Variants in PPP1R2 observed in about 807,000 individuals in gnomAD.
The protein encoded by PPP1R2 is protein phosphatase 1 regulatory inhibitor subunit 2.
A neutral mutation model predicts 29.9 loss-of-function variants in PPP1R2; 16 were observed. The observed-to-expected ratio is 0.53, with a 90% CI of 0.36 to 0.81. PPP1R2 has a LOEUF of 0.81. PPP1R2 is among the 30% of genes least tolerant of loss of function. The pLI, the probability that PPP1R2 is intolerant of heterozygous loss-of-function variation, is 0.00. For synonymous variants in PPP1R2, 76 were observed against 91.5 expected (o/e 0.83, Z 0.96); for missense variants, 197 against 252.7 (o/e 0.78, Z 1.49).
chr3:195,540,077 C>T (rs547178054), intron 1 of PPP1R2, among the ~76,000 whole-genome samples: 5 of 152,302 alleles, frequency 3.3e-5, no homozygotes, highest in South Asian at 2.1e-4. Flanking sequence ...AGGGTTCATT[C>T]TCATTATTCT....
chr3:195,520,278 G>A lies in PPP1R2; in HGVS notation c.404-1093C>T, dbSNP rs530816503. 3.3e-5 allele frequency among the ~76,000 whole-genome samples: 5 copies of A among 152,224 alleles called. No homozygotes were observed. The East Asian group carries it at 7.7e-4, about 24-fold the overall frequency. Reference sequence around the variant, plus strand: ...GCCTGCCTTGGCCTCCAAAAGTGCTGGGATTACAGGCATGAGCCACTGCGC... The same window carrying A: ...GCCTGCCTTGGCCTCCAAAAGTGCTAGGATTACAGGCATGAGCCACTGCGC... On this transcript the variant is annotated intron_variant, in intron 4 of 5. Transcript: ENST00000618156.
At chr3:195,519,917 TAA>T (rs35492316) in intron 4 of PPP1R2, among the ~76,000 whole-genome samples, 78,969 of 145,458 alleles carry the variant, frequency 0.54, 22,462 homozygotes, top group African/African-American at 0.75. Context: ...ATCAGAAAAT[TAA>T]AAAAAAAAAA....
chr3:195,518,430 T>C (rs931379357), intron 5 of PPP1R2, among the ~76,000 whole-genome samples: 9 of 152,026 alleles, frequency 5.9e-5, no homozygotes, highest in Non-Finnish European at 1.3e-4. Context: ...GGCGGGCGGA[T>C]CACAAGGTCA....
At position 195,515,127 on chromosome 3, in the gene PPP1R2, C is replaced by T. The variant is rs140314704; in HGVS notation, c.*1769G>A. The stretch of plus-strand genomic sequence containing the variant: ...TGTACAGACTTAATCTCTACATCCC[C>T]CAAGACAGATTTAAACAGGTAATCC... On this transcript the variant is annotated 3_prime_UTR_variant, in exon 6 of 6. Coordinates refer to ENST00000618156, the MANE Select transcript of PPP1R2 (RefSeq NM_006241.8). 4.8e-3 allele frequency: 910 copies of T among 190,740 alleles called. 8 individuals are homozygous for T. Among genetic ancestry groups the T allele is most frequent in the African/African-American group, 0.019 (786 of 42,040 alleles). 11.8% of individuals were successfully genotyped at this position (190,740 alleles called of 1,614,324 possible).
Position 195,534,965 on chromosome 3 carries a change from C to A in PPP1R2, c.123-5064G>T, listed in dbSNP as rs146943610. On this transcript the variant is annotated intron_variant, in intron 1 of 5. Coordinates refer to ENST00000618156, the MANE Select transcript of PPP1R2 (RefSeq NM_006241.8). ...AAGGTGTCAAGGTGGTTTACTCGTC[C>A]TCAAACACAACATCTCCAATTTAAC... 3.5e-4 allele frequency among the ~76,000 whole-genome samples: 53 copies of A among 152,242 alleles called. 1 individual carries two copies. In the East Asian group the frequency reaches 0.01, roughly 29 times the overall value.
At chr3:195,517,552 C>A (rs1718592757) in intron 5 of PPP1R2, among the ~76,000 whole-genome samples, 1 of 152,092 alleles carries the variant, frequency 6.6e-6, no homozygotes. Flanking sequence ...AAATCAGGCA[C>A]TGACCTAATA....
rs1199062068 is a variant in PPP1R2, at chr3:195,543,253, T to C, written c.-228A>G. 10 of 477,578 alleles carry C rather than the reference T, an allele frequency of 2.1e-5. No individual in the cohort carries two copies. The highest frequency in any genetic ancestry group is 1.0e-4 in the South Asian group (3 of 29,464). The allele number at this position is 477,578 out of a possible 1,614,324, so 29.6% of individuals were successfully genotyped here. A position where few individuals can be genotyped will look rare whatever the true frequency, so the allele number is the denominator to read the frequency against. ...CGGCTACTCGCGCACCCTTAGCCACTGGCACTTGACCCGCGGCTCGCGGAG... is the reference window on the plus strand; with the variant it reads ...CGGCTACTCGCGCACCCTTAGCCACCGGCACTTGACCCGCGGCTCGCGGAG... On this transcript the variant is annotated 5_prime_UTR_variant, in exon 1 of 6. Coordinates refer to ENST00000618156, the MANE Select transcript of PPP1R2 (RefSeq NM_006241.8).
Position 195,543,105 on chromosome 3 carries a change from T to G in PPP1R2, c.-80A>C. On this transcript the variant is annotated 5_prime_UTR_variant, in exon 1 of 6. Transcript: ENST00000618156. ...AGAGAAGGGTCGGCACAGCAGAGAC[T>G]CGCAGGCAGCCGCAGATCCCGCTCA... The G allele has an allele frequency of 6.8e-7, 1 of 1,481,334 alleles. No homozygotes were observed. Among genetic ancestry groups the G allele is most frequent in the Non-Finnish European group, 9.0e-7 (1 of 1,110,430 alleles). The allele number at this position is 1,481,334 out of a possible 1,614,324, so 91.8% of individuals were successfully genotyped here.
chr3:195,539,873 G>A (rs1371142636), intron 1 of PPP1R2, among the ~76,000 whole-genome samples: 1 of 152,162 alleles, frequency 6.6e-6, no homozygotes, highest in Non-Finnish European at 1.5e-5. Flanking sequence ...AGTGGACATT[G>A]AGTTTTGAGA....
chr3:195,525,697 T>C (rs1718945609), intron 2 of PPP1R2, among the ~76,000 whole-genome samples: 1 of 152,190 alleles, frequency 6.6e-6, no homozygotes, highest in South Asian at 2.1e-4. Flanking sequence ...CTCTACCCTC[T>C]AATGAAAAAT....
rs1268363296 is a variant in PPP1R2 at position 195,516,329 on chromosome 3, CAAAG to C, written c.*563_*566del. On this transcript the variant is annotated 3_prime_UTR_variant, in exon 6 of 6. Coordinates refer to ENST00000618156, the MANE Select transcript of PPP1R2 (RefSeq NM_006241.8). ...AAGTTCAGTCCTTTCCTTGTAAACA[CAAAG>C]AAACTCAACAGGAATTTTAAAAATA... 2 of 152,430 alleles carry C rather than the reference CAAAG, an allele frequency of 1.3e-5. No homozygotes were observed. The highest frequency in any genetic ancestry group is 2.9e-5 in the Non-Finnish European group (2 of 67,954). The allele number at this position is 152,430 out of a possible 1,614,324, so 9.4% of individuals were successfully genotyped here.
intron 4 of PPP1R2, among the ~76,000 whole-genome samples, chr3:195,521,098 G>A (rs1411537382): frequency 1.3e-5 from 2 of 151,780 alleles, no homozygotes; most frequent in Non-Finnish European, 2.9e-5. Flanking sequence ...GGCGGATCAT[G>A]AGGTCAGGAG....
chr3:195,525,981 T>C (rs1220807221), intron 2 of PPP1R2, among the ~76,000 whole-genome samples: 6 of 152,212 alleles, frequency 3.9e-5, no homozygotes, highest in African/African-American at 1.4e-4. Context: ...GTTGTAAAAT[T>C]TACTGAATTA....
At chr3:195,526,382 G>T (rs554774919) in intron 2 of PPP1R2, among the ~76,000 whole-genome samples, 8 of 151,894 alleles carry the variant, frequency 5.3e-5, no homozygotes, top group Non-Finnish European at 7.4e-5. Context: ...ACAAGGATGA[G>T]CTACCATGGC....
chr3:195,521,562 CTA>C (rs1251963354), intron 4 of PPP1R2, among the ~76,000 whole-genome samples: 1 of 151,814 alleles, frequency 6.6e-6, no homozygotes, highest in East Asian at 1.9e-4. Context: ...GTTTTTAAGA[CTA>C]TATATATAAA....
Position 195,523,734 on chromosome 3 carries a change from T to C in PPP1R2, c.361A>G (p.Ser121Gly), listed in dbSNP as rs763144018. The C allele has an allele frequency of 8.7e-6, 14 of 1,614,072 alleles. No individual in the cohort carries two copies. In the South Asian group the frequency reaches 1.5e-4, roughly 18 times the overall value. Residue 121 changes from serine (S) to glycine (G), a missense_variant, in exon 4 of 6, where the codon AGC (serine) becomes GGC (glycine). Around this residue, in one of 3 missense-constraint regions of PPP1R2, gnomAD observed 135 missense variants for 163.0 expected, o/e 0.83. Transcript: ENST00000618156. ...AGGTCACTATCCTCCTCTCCACTGC[T>C]TTCTTGTTCCTGAATCCGATACTTT... Reference protein sequence around the residue: ...EPKYRIQEQESSGEEDSDLSP... With the variant: ...EPKYRIQEQEGSGEEDSDLSP...
intron 5 of PPP1R2, 81 bp from the exon 6 acceptor site, chr3:195,517,023 T>A: frequency 9.2e-7 from 1 of 1,089,736 alleles, no homozygotes; most frequent in South Asian, 1.3e-5. Flanking sequence ...TTAGCATGCA[T>A]GACAAGCAAA....
intron 2 of PPP1R2, chr3:195,527,882 T>A (rs539170906): frequency 3.5e-5 from 13 of 374,686 alleles, no homozygotes; most frequent in East Asian, 3.2e-4. Context: ...TTTTTTTTTT[T>A]AAGATTTTTA....
intron 1 of PPP1R2, among the ~76,000 whole-genome samples, chr3:195,542,319 G>C (rs377563544): frequency 4.0e-4 from 61 of 152,092 alleles, no homozygotes; most frequent in African/African-American, 1.4e-3. Flanking sequence ...GTATGCAAGA[G>C]CAACTAAATT....
Sources: allele counts gnomAD v4.1 joint callset (sites outside exome capture counted in the v4.1 genomes callset), GRCh38; gene constraint gnomAD v4.1.1; regional missense constraint gnomAD v4.1.1; transcripts MANE v1.5; gene names NCBI Gene and HGNC (gene_info 2026-07-23, HGNC 2026-07-21).